The following GRK4 variants were observed in gnomAD, a reference collection of about 807,000 sequenced individuals.
GRK4 encodes the protein G protein-coupled receptor kinase 4, also known as G protein-coupled receptor kinase 2-like.
A neutral mutation model predicts 77.9 loss-of-function variants in GRK4; 73 were observed. The ratio of observed to expected loss-of-function variants is 0.94; its 90% CI spans 0.78 to 1.14. The LOEUF (loss-of-function observed/expected upper bound fraction) is 1.14. Among genes scored for constraint, GRK4 ranks in the 50% most tolerant of loss-of-function variants. GRK4 has a pLI of 0.00. For missense variants in GRK4, 729 were observed against 700.2 expected (o/e 1.04, Z -0.46); for synonymous variants, 257 against 254.4 (o/e 1.01, Z -0.10).
intron 4 of GRK4, among the ~76,000 whole-genome samples, chr4:2,997,549 C>T (rs756734140): frequency 4.6e-5 from 7 of 151,994 alleles, no homozygotes; most frequent in Non-Finnish European, 1.0e-4. Flanking sequence ...GAGAGAGAGA[C>T]GTTTATGGGC....
Position 3,019,810 on chromosome 4 carries a change from A to G in GRK4, c.911A>G (p.Gln304Arg), listed in dbSNP as rs541598491. ...CTGTGTTGCGGCTTGGAAGATTTAC[A>G]GAGGGAAAGAATTGTATACAGGTAA... ...AELCCGLEDL[Q>R]RERIVYRDLK... The change falls in exon 9 of 16, where the codon CAG (glutamine) becomes CGG (arginine). Residue 304 changes from glutamine (Q) to arginine (R), a missense_variant. Physicochemically the swap from Gln to Arg is conservative, Grantham distance 43. Coordinates refer to ENST00000398052, the MANE Select transcript of GRK4 (RefSeq NM_182982.3). The G allele has an allele frequency of 1.2e-6, 2 of 1,613,948 alleles. No individual in the cohort carries two copies. The highest frequency in any genetic ancestry group is 2.2e-5 in the East Asian group (1 of 44,878).
intron 4 of GRK4, among the ~76,000 whole-genome samples, chr4:3,002,632 C>T (rs558075145): frequency 7.2e-5 from 11 of 152,026 alleles, no homozygotes; most frequent in Admixed American, 4.6e-4. Flanking sequence ...TGAACCTGGG[C>T]GGCGGGACTT....
At chr4:3,027,081 C>T (rs1451138705) in intron 10 of GRK4, among the ~76,000 whole-genome samples, 3 of 152,204 alleles carry the variant, frequency 2.0e-5, no homozygotes, top group Middle Eastern at 3.2e-3. Flanking sequence ...GACAGATTCT[C>T]ACTCTTGCCC....
chr4:2,974,372 G>C (rs970270066), intron 1 of GRK4, among the ~76,000 whole-genome samples: 62 of 152,220 alleles, frequency 4.1e-4, no homozygotes, highest in Non-Finnish European at 1.0e-4. Flanking sequence ...ATGAATGAAT[G>C]AATGTATGAA....
At chr4:3,017,716 A>G (rs980163238) in intron 8 of GRK4, among the ~76,000 whole-genome samples, 4 of 152,230 alleles carry the variant, frequency 2.6e-5, no homozygotes, top group Admixed American at 1.3e-4. Flanking sequence ...AATGTAATTT[A>G]TCACGTTACC....
intron 12 of GRK4, among the ~76,000 whole-genome samples, chr4:3,030,230 C>A (rs888388220): frequency 6.6e-6 from 1 of 152,136 alleles, no homozygotes; most frequent in South Asian, 2.1e-4. Context: ...CGGTGGCACC[C>A]GCGAGTCACA....
intron 7 of GRK4, 64 bp downstream of exon 7, chr4:3,009,775 C>A: frequency 8.1e-7 from 1 of 1,232,934 alleles, no homozygotes; most frequent in Non-Finnish European, 1.2e-6. Context: ...GTCCTGAGAA[C>A]ATGGCTTCAG....
At chr4:2,984,162 T>C (rs1412972431) in intron 1 of GRK4, among the ~76,000 whole-genome samples, 1 of 152,200 alleles carries the variant, frequency 6.6e-6, no homozygotes, top group African/African-American at 2.4e-5. Flanking sequence ...ATATGCCTAG[T>C]GCTTTGAAGG....
intron 13 of GRK4, 44 bp downstream of exon 13, chr4:3,035,567 C>A (rs955016864): frequency 2.6e-6 from 4 of 1,552,954 alleles, no homozygotes; most frequent in Non-Finnish European, 3.5e-6. Context: ...GAACAGTGAT[C>A]CGCACAGCAC....
intron 3 of GRK4, among the ~76,000 whole-genome samples, 177 bp downstream of exon 3, chr4:2,989,016 T>C (rs1361215636): frequency 6.6e-6 from 1 of 152,116 alleles, no homozygotes; most frequent in Non-Finnish European, 1.5e-5. Flanking sequence ...AACCCGTCTC[T>C]ACTAAAATAC....
chr4:2,973,190 T>C (rs1019035985), intron 1 of GRK4, among the ~76,000 whole-genome samples: 7 of 152,250 alleles, frequency 4.6e-5, no homozygotes, highest in Admixed American at 2.0e-4. Context: ...ACGTGGCACG[T>C]CATGCTTTCT....
rs1320528236 is a variant in GRK4 at position 3,016,736 on chromosome 4, A to AT, written c.742-2905_742-2904insT. 3.9e-5 allele frequency among the ~76,000 whole-genome samples: 6 copies of AT among 152,090 alleles called. No homozygotes were observed. In the South Asian group the frequency reaches 8.3e-4, roughly 21 times the overall value. On this transcript the variant is annotated intron_variant, in intron 8 of 15. Coordinates refer to ENST00000398052, the MANE Select transcript of GRK4 (RefSeq NM_182982.3). ...AAAACAAAAAAAAAAATACAAAAAAACAAAACAAAAAAAACCCCCGTGTAA... is the reference window on the plus strand; with the variant it reads ...AAAACAAAAAAAAAAATACAAAAAAATCAAAACAAAAAAAACCCCCGTGTAA...
rs571031631 is a variant in GRK4, at chr4:3,019,097, A to G, written c.742-544A>G. Among the ~76,000 whole-genome samples the G allele has an allele frequency of 3.3e-5, 5 of 152,262 alleles. No individual in the cohort carries two copies. In the South Asian group the frequency reaches 1.0e-3, roughly 32 times the overall value. ...AAAATGGGGGGAAAATAGACTAGGC[A>G]TTTCACAAAAGAGGATCCAAATGGC... On this transcript the variant is annotated intron_variant, in intron 8 of 15. Transcript: ENST00000398052.
Position 3,040,739 on chromosome 4 carries a change from T to C in GRK4, c.*114T>C, listed in dbSNP as rs1578455371. ...ATCTAAATAAAACATGCCTTGGGAG[T>C]GTACAGACCTTTCTGCACTAATACC... On this transcript the variant is annotated 3_prime_UTR_variant, in exon 16 of 16. Transcript: ENST00000398052. 1 of 715,528 alleles carries C rather than the reference T, an allele frequency of 1.4e-6. No individual in the cohort carries two copies. Among genetic ancestry groups the C allele is most frequent in the East Asian group, 3.4e-5 (1 of 29,092 alleles). The allele number at this position is 715,528 out of a possible 1,614,324, so 44.3% of individuals were successfully genotyped here. A position where few individuals can be genotyped will look rare whatever the true frequency, so the allele number is the denominator to read the frequency against.
chr4:3,011,864 G>T (rs1326361559), intron 7 of GRK4, among the ~76,000 whole-genome samples: 1 of 152,224 alleles, frequency 6.6e-6, no homozygotes. Context: ...CAATGGTAAA[G>T]GAATTGAGTA....
In GRK4 at chr4:3,027,947, G is replaced by A; in HGVS notation, c.1006G>A (p.Glu336Lys). The part of the protein sequence containing the change: ...IRISDLGLAT[E>K]IPEGQRVRGR... The stretch of plus-strand genomic sequence containing the variant: ...GATTTCAGACCTCGGTTTGGCCACA[G>A]AGATCCCAGAAGGACAGAGGGTTCG... Residue 336 changes from glutamate (E) to lysine (K), a missense_variant, in exon 11 of 16, where the codon GAG becomes AAG. Glu to Lys is a moderately conservative substitution (Grantham distance 56). Transcript: ENST00000398052. 6.2e-7 allele frequency: 1 copy of A among 1,614,132 alleles called. No individual in the cohort carries two copies. Among genetic ancestry groups the A allele is most frequent in the East Asian group, 2.2e-5 (1 of 44,882 alleles).
At chr4:2,975,390 A>T (rs1188028592) in intron 1 of GRK4, among the ~76,000 whole-genome samples, 1 of 152,088 alleles carries the variant, frequency 6.6e-6, no homozygotes, top group Non-Finnish European at 1.5e-5. Context: ...TAAAGAACCA[A>T]ATGATCTTCC....
intron 10 of GRK4, among the ~76,000 whole-genome samples, chr4:3,024,994 G>A (rs1232212853): frequency 6.6e-6 from 1 of 151,928 alleles, no homozygotes; most frequent in Non-Finnish European, 1.5e-5. Flanking sequence ...TCAGAGGCCG[G>A]GCACAGTGGC....
At chr4:3,019,534 C>G in intron 8 of GRK4, 107 bp from the exon 9 acceptor site, 2 of 954,624 alleles carry the variant, frequency 2.1e-6, no homozygotes, top group Non-Finnish European at 3.2e-6. Flanking sequence ...TTCACATGTT[C>G]TGATTGTAAA....
Sources: gnomAD v4.1 joint callset for allele counts (sites outside exome capture counted in the v4.1 genomes callset) on GRCh38, gnomAD v4.1.1 for gene constraint, MANE v1.5 for transcripts, NCBI Gene and HGNC (gene_info 2026-07-23, HGNC 2026-07-21) for gene names.